Variants in RHOJ observed in about 807,000 individuals in gnomAD.
The protein encoded by RHOJ is rho-related GTP-binding protein RhoJ.
Under a neutral mutation model 23.4 loss-of-function variants are expected in RHOJ, and 11 were observed. That is an observed-to-expected ratio of 0.47 (90% CI 0.30 to 0.78). RHOJ has a LOEUF of 0.78. RHOJ is among the 30% of genes least tolerant of loss of function. The pLI, the probability that RHOJ is intolerant of heterozygous loss-of-function variation, is 0.08. For synonymous variants in RHOJ, 102 were observed against 102.7 expected, an observed-to-expected ratio of 0.99 and a Z score of 0.04; for missense variants, 254 against 273.4, an observed-to-expected ratio of 0.93 and a Z score of 0.50.
intron 2 of RHOJ, among the ~76,000 whole-genome samples, chr14:63,279,352 G>T (rs1199370334): frequency 6.6e-6 from 1 of 152,154 alleles, no homozygotes; most frequent in Admixed American, 6.5e-5. Flanking sequence ...ATTATGTATG[G>T]TGTGTATGGA....
chr14:63,262,880 A>G (rs1895297344), intron 1 of RHOJ, among the ~76,000 whole-genome samples: 1 of 152,256 alleles, frequency 6.6e-6, no homozygotes, highest in African/African-American at 2.4e-5. Context: ...TACCTATTAT[A>G]GGGTAGAAAA....
At chr14:63,246,583 A>G (rs1202049147) in intron 1 of RHOJ, among the ~76,000 whole-genome samples, 2 of 152,222 alleles carry the variant, frequency 1.3e-5, no homozygotes, top group Non-Finnish European at 2.9e-5. Context: ...CACTTGGTAC[A>G]GTGCCTACAA....
At chr14:63,210,253 C>A (rs1370243785) in intron 1 of RHOJ, among the ~76,000 whole-genome samples, 1 of 152,178 alleles carries the variant, frequency 6.6e-6, no homozygotes, top group East Asian at 1.9e-4. Context: ...AACCACCACG[C>A]CCAGCCAGCA....
intron 1 of RHOJ, among the ~76,000 whole-genome samples, chr14:63,234,412 A>G (rs1410917338): frequency 6.6e-6 from 1 of 152,196 alleles, no homozygotes; most frequent in Non-Finnish European, 1.5e-5. Flanking sequence ...ACTGCCTGAT[A>G]TATTATAGGT....
At chr14:63,280,592 G>T (rs1490011237) in intron 2 of RHOJ, among the ~76,000 whole-genome samples, 8 of 151,914 alleles carry the variant, frequency 5.3e-5, no homozygotes, top group Admixed American at 5.2e-4. Flanking sequence ...ATGTTAATTT[G>T]TTTCACTGTA....
chr14:63,204,568 G>A lies in RHOJ; in HGVS notation c.-302G>A. On this transcript the variant is annotated 5_prime_UTR_variant, in exon 1 of 5. Transcript: ENST00000316754. ...AGCAGAGTAAAACCCTCAGGCTGCT[G>A]AAATTTCTAGGCTGTTAGGAAGCCC... The A allele has an allele frequency of 2.5e-6, 1 of 406,380 alleles. No individual in the cohort carries two copies. Among genetic ancestry groups the A allele is most frequent in the South Asian group, 3.2e-5 (1 of 31,154 alleles). 25.2% of individuals were successfully genotyped at this position (406,380 alleles called of 1,614,324 possible).
chr14:63,221,594 G>C (rs1247660432), intron 1 of RHOJ, among the ~76,000 whole-genome samples: 1 of 152,212 alleles, frequency 6.6e-6, no homozygotes, highest in Non-Finnish European at 1.5e-5. Context: ...GATGAGAACT[G>C]TGTTACGCAT....
At chr14:63,218,449 C>A (rs1894413059) in intron 1 of RHOJ, among the ~76,000 whole-genome samples, 1 of 152,120 alleles carries the variant, frequency 6.6e-6, no homozygotes, top group Non-Finnish European at 1.5e-5. Context: ...GCATTTTCGT[C>A]CCTGTGATTA....
chr14:63,271,262 T>C (rs922622570), intron 2 of RHOJ, among the ~76,000 whole-genome samples: 7 of 152,252 alleles, frequency 4.6e-5, no homozygotes, highest in African/African-American at 1.7e-4. Context: ...AGAATATATC[T>C]TAAAGTTCCT....
chr14:63,231,943 G>A (rs773724233), intron 1 of RHOJ, among the ~76,000 whole-genome samples: 13 of 152,292 alleles, frequency 8.5e-5, no homozygotes, highest in South Asian at 4.1e-4. Context: ...GTGGATTAAC[G>A]TCAGTTGGTT....
intron 1 of RHOJ, among the ~76,000 whole-genome samples, chr14:63,229,613 C>A (rs1299064729): frequency 6.6e-6 from 1 of 152,168 alleles, no homozygotes; most frequent in African/African-American, 2.4e-5. Context: ...TGACACATGG[C>A]CCCCTCCATC....
At chr14:63,271,767 G>A (rs1027113027) in intron 2 of RHOJ, among the ~76,000 whole-genome samples, 3 of 152,048 alleles carry the variant, frequency 2.0e-5, no homozygotes, top group African/African-American at 7.2e-5. Context: ...GCTAATTTTT[G>A]TGTTTTTTTT....
At chr14:63,221,076 C>A (rs1026927849) in intron 1 of RHOJ, among the ~76,000 whole-genome samples, 23 of 152,172 alleles carry the variant, frequency 1.5e-4, no homozygotes, top group African/African-American at 4.8e-4. Flanking sequence ...CACCTGTAAT[C>A]CCAGCACTTT....
At chr14:63,231,414 C>T (rs57466787) in intron 1 of RHOJ, among the ~76,000 whole-genome samples, 16,592 of 152,190 alleles carry the variant, frequency 0.11, 1,095 homozygotes, top group African/African-American at 0.17. Context: ...AAAATCACTT[C>T]CTTTATAACA....
intron 1 of RHOJ, among the ~76,000 whole-genome samples, chr14:63,219,933 C>G (rs899607957): frequency 2.0e-5 from 3 of 152,094 alleles, no homozygotes; most frequent in Admixed American, 6.5e-5. Flanking sequence ...ATTAACTTAA[C>G]GAGCAGCTCC....
chr14:63,214,529 G>A (rs1324976031), intron 1 of RHOJ, among the ~76,000 whole-genome samples: 2 of 152,146 alleles, frequency 1.3e-5, no homozygotes, highest in African/African-American at 4.8e-5. Flanking sequence ...AACAGAAAAG[G>A]CCTTTAGTGC....
At chr14:63,278,262 C>G (rs2139662228) in intron 2 of RHOJ, among the ~76,000 whole-genome samples, 1 of 152,194 alleles carries the variant, frequency 6.6e-6, no homozygotes, top group Non-Finnish European at 1.5e-5. Flanking sequence ...GCAGTAGTGG[C>G]CACATATACT....
intron 1 of RHOJ, among the ~76,000 whole-genome samples, chr14:63,228,178 T>C (rs1037106135): frequency 3.3e-5 from 5 of 152,272 alleles, no homozygotes; most frequent in Admixed American, 2.6e-4. Flanking sequence ...TTTCTCATTC[T>C]AAATAAAATA....
chr14:63,265,461 C>T (rs753807348), intron 1 of RHOJ, among the ~76,000 whole-genome samples: 17 of 152,140 alleles, frequency 1.1e-4, no homozygotes, highest in Non-Finnish European at 2.1e-4. Context: ...AATGTAATAC[C>T]TTTGGCTTTG....
Sources: gnomAD v4.1 joint callset for allele counts (sites outside exome capture counted in the v4.1 genomes callset) on GRCh38, gnomAD v4.1.1 for gene constraint, MANE v1.5 for transcripts, NCBI Gene and HGNC (gene_info 2026-07-23, HGNC 2026-07-21) for gene names.